EPHA7: variants seen among roughly 807,000 people sequenced by gnomAD.
EPHA7 encodes the protein ephrin type-A receptor 7.
Under a neutral mutation model 112.6 loss-of-function variants are expected in EPHA7, and 25 were observed. The observed-to-expected ratio is 0.22, with a 90% CI of 0.16 to 0.31. The LOEUF (loss-of-function observed/expected upper bound fraction) is 0.31, where lower values mean the gene tolerates loss of function less well. Among genes scored for constraint, EPHA7 ranks in the 10% least tolerant of loss-of-function variants. The pLI is 1.00. For missense variants in EPHA7, 962 were observed against 1,212.6 expected, an observed-to-expected ratio of 0.79 and a Z score of 3.07; for synonymous variants, 437 against 406.5, an observed-to-expected ratio of 1.07 and a Z score of -0.90.
At chr6:93,331,109 T>G (rs1224821951) in intron 5 of EPHA7, among the ~76,000 whole-genome samples, 1 of 151,428 alleles carries the variant, frequency 6.6e-6, no homozygotes, top group Non-Finnish European at 1.5e-5. Flanking sequence ...GATGCCAAAT[T>G]GTAAAATTAG....
intron 5 of EPHA7, among the ~76,000 whole-genome samples, chr6:93,296,797 C>A (rs1156920637): frequency 6.6e-6 from 1 of 151,786 alleles, no homozygotes; most frequent in African/African-American, 2.4e-5. Flanking sequence ...AAACACTAAA[C>A]CTTAAACCAA....
chr6:93,259,309 T>C, intron 10 of EPHA7, 45 bp downstream of exon 10: 1 of 1,606,302 alleles, frequency 6.2e-7, no homozygotes, highest in East Asian at 2.2e-5. Flanking sequence ...ACTTTCGATC[T>C]TGGCTAAATG....
intron 3 of EPHA7, among the ~76,000 whole-genome samples, chr6:93,404,350 T>C (rs1484899093): frequency 6.6e-6 from 1 of 151,934 alleles, no homozygotes. Flanking sequence ...CCTTTCAAGA[T>C]GTTCTGAAAA....
chr6:93,312,259 T>C (rs1773579302), intron 5 of EPHA7, among the ~76,000 whole-genome samples: 1 of 152,094 alleles, frequency 6.6e-6, no homozygotes, highest in South Asian at 2.1e-4. Context: ...CATTTTCCAA[T>C]ATAAGGCTGT....
chr6:93,258,884 T>C (rs1260542749), intron 10 of EPHA7, among the ~76,000 whole-genome samples: 2 of 151,704 alleles, frequency 1.3e-5, no homozygotes, highest in Admixed American at 6.6e-5. Flanking sequence ...TACATACATA[T>C]AGAAAATATT....
chr6:93,390,569 CAAAA>C (rs200332323), intron 3 of EPHA7, among the ~76,000 whole-genome samples: 1 of 85,796 alleles, frequency 1.2e-5, no homozygotes, highest in Non-Finnish European at 2.6e-5. Context: ...TCAGCCAGGA[CAAAA>C]AAAAAAAAAA....
At chr6:93,334,762 A>C (rs183324318) in intron 5 of EPHA7, among the ~76,000 whole-genome samples, 1 of 152,180 alleles carries the variant, frequency 6.6e-6, no homozygotes, top group East Asian at 1.9e-4. Flanking sequence ...CACAAATATC[A>C]AGGTTAAACG....
chr6:93,415,330 A>G (rs1272470033), intron 1 of EPHA7, among the ~76,000 whole-genome samples: 2 of 151,998 alleles, frequency 1.3e-5, no homozygotes, highest in Non-Finnish European at 2.9e-5. Context: ...CAAATTGCCT[A>G]TTATTTGCAA....
At chr6:93,411,309 T>TGTAA (rs1778967365) in intron 2 of EPHA7, 139 bp from the exon 3 acceptor site, 2 of 673,502 alleles carry the variant, frequency 3.0e-6, no homozygotes, top group Non-Finnish European at 5.0e-6. Flanking sequence ...AACCAGAGAA[T>TGTAA]GTAAGATTCC....
intron 14 of EPHA7, among the ~76,000 whole-genome samples, chr6:93,247,920 T>A (rs1466912960): frequency 6.6e-6 from 1 of 152,084 alleles, no homozygotes; most frequent in South Asian, 2.1e-4. Flanking sequence ...TTTTTATTTA[T>A]ATGAAAGGCA....
intron 3 of EPHA7, among the ~76,000 whole-genome samples, chr6:93,380,436 C>T (rs1199466086): frequency 2.6e-5 from 4 of 152,036 alleles, no homozygotes; most frequent in Non-Finnish European, 2.9e-5. Context: ...AAGAGTTGAA[C>T]AGAATTTTTT....
intron 5 of EPHA7, among the ~76,000 whole-genome samples, chr6:93,350,888 C>A (rs561225890): frequency 1.4e-4 from 21 of 152,090 alleles, no homozygotes; most frequent in East Asian, 5.8e-4. Context: ...AGAAAAGATT[C>A]TTTTCCTAAA....
chr6:93,272,663 G>C (rs1771284950), intron 5 of EPHA7, among the ~76,000 whole-genome samples: 1 of 151,892 alleles, frequency 6.6e-6, no homozygotes, highest in African/African-American at 2.4e-5. Context: ...TCAAGTTAGT[G>C]AAAAATGGAA....
At chr6:93,365,966 G>A (rs3778470) in intron 3 of EPHA7, among the ~76,000 whole-genome samples, 14,211 of 152,046 alleles carry the variant, frequency 0.093, 886 homozygotes, top group South Asian at 0.19. Flanking sequence ...AAAAAGTTTC[G>A]TTTCTAAAGT....
chr6:93,387,571 A>G (rs548721494), intron 3 of EPHA7, among the ~76,000 whole-genome samples: 1 of 152,194 alleles, frequency 6.6e-6, no homozygotes, highest in South Asian at 2.1e-4. Context: ...CTGTTTTCAC[A>G]CTGCTATGAA....
intron 5 of EPHA7, among the ~76,000 whole-genome samples, chr6:93,297,863 A>G (rs1289920483): frequency 6.6e-6 from 1 of 152,202 alleles, no homozygotes; most frequent in East Asian, 1.9e-4. Context: ...TCTCTCTCCA[A>G]AATACCTGAG....
rs1307437504 is a variant in EPHA7 at position 93,369,041 on chromosome 6, C to T, written c.833-10630G>A. 3.3e-5 allele frequency among the ~76,000 whole-genome samples: 5 copies of T among 151,794 alleles called. No individual in the cohort carries two copies. The East Asian group carries it at 7.7e-4, about 23-fold the overall frequency. ...TGCGTCAGGACAATGAGTGTATTCA[C>T]TCAATCCTTAATTCTTAGAAATAAA... On this transcript the variant is annotated intron_variant, in intron 3 of 16. Coordinates refer to ENST00000369303, the MANE Select transcript of EPHA7 (RefSeq NM_004440.4).
chr6:93,339,200 C>A (rs1775023364), intron 5 of EPHA7, among the ~76,000 whole-genome samples: 1 of 151,482 alleles, frequency 6.6e-6, no homozygotes, highest in Admixed American at 6.6e-5. Flanking sequence ...CTGATTATAT[C>A]TAATACAACT....
At chr6:93,352,360 T>C (rs976680622) in intron 5 of EPHA7, among the ~76,000 whole-genome samples, 2 of 152,120 alleles carry the variant, frequency 1.3e-5, no homozygotes, top group Non-Finnish European at 2.9e-5. Flanking sequence ...GGAAGGAAGG[T>C]AGTGGCAATT....
Sources: gnomAD v4.1 joint callset for allele counts (sites outside exome capture counted in the v4.1 genomes callset) on GRCh38, gnomAD v4.1.1 for gene constraint, MANE v1.5 for transcripts, NCBI Gene and HGNC (gene_info 2026-07-23, HGNC 2026-07-21) for gene names.